LIMD1: variants seen among roughly 807,000 people sequenced by gnomAD.
LIMD1 encodes the protein LIM domain-containing protein 1.
In LIMD1, 23 loss-of-function variants were observed where a neutral mutation model predicts 58.4. That is an observed-to-expected ratio of 0.39 (90% confidence interval 0.28 to 0.56). The LOEUF is 0.56. LIMD1 is among the 20% of genes least tolerant of loss of function. LIMD1 has a pLI of 0.57. For synonymous variants in LIMD1, 334 were observed against 345.5 expected, an observed-to-expected ratio of 0.97 and a Z score of 0.37; for missense variants, 838 against 855.5, an observed-to-expected ratio of 0.98 and a Z score of 0.25.
chr3:45,609,676 C>T (rs1313031457), intron 1 of LIMD1, among the ~76,000 whole-genome samples: 1 of 152,216 alleles, frequency 6.6e-6, no homozygotes, highest in South Asian at 2.1e-4. Flanking sequence ...AAAGTAGTTC[C>T]AAGCCAGGAT....
In LIMD1 at chr3:45,679,618, C is replaced by T. The variant is rs1256783696; in HGVS notation, c.*2559C>T. 3 of 152,144 alleles carry T rather than the reference C, an allele frequency of 2.0e-5. No individual in the cohort carries two copies. Among genetic ancestry groups the T allele is most frequent in the African/African-American group, 7.2e-5 (3 of 41,426 alleles). 9.4% of individuals were successfully genotyped at this position (152,144 alleles called of 1,614,324 possible). A position where few individuals can be genotyped will look rare whatever the true frequency, so the allele number is the denominator to read the frequency against. Reference sequence around the variant, plus strand: ...GAGGTAAAACAAGGAGGATTGTGGCCGGATTTCAGATCCCAAAGCCAGCCT... The same window carrying T: ...GAGGTAAAACAAGGAGGATTGTGGCTGGATTTCAGATCCCAAAGCCAGCCT... On this transcript the variant is annotated 3_prime_UTR_variant, in exon 8 of 8. Transcript: ENST00000273317.
chr3:45,629,109 T>G (rs1701700595), intron 1 of LIMD1, among the ~76,000 whole-genome samples: 1 of 151,846 alleles, frequency 6.6e-6, no homozygotes, highest in South Asian at 2.1e-4. Context: ...ATTTCACAGG[T>G]GTATAGAAAT....
rs778258648 is a variant in LIMD1 at position 45,683,037 on chromosome 3, T to C, written c.*5978T>C. 1.3e-5 allele frequency: 2 copies of C among 152,476 alleles called. No homozygotes were observed. Among genetic ancestry groups the C allele is most frequent in the Non-Finnish European group, 2.9e-5 (2 of 68,238 alleles). The allele number at this position is 152,476 out of a possible 1,614,324, so 9.4% of individuals were successfully genotyped here. A position where few individuals can be genotyped will look rare whatever the true frequency, so the allele number is the denominator to read the frequency against. On this transcript the variant is annotated 3_prime_UTR_variant, in exon 8 of 8. Coordinates refer to ENST00000273317, the MANE Select transcript of LIMD1 (RefSeq NM_014240.3). ...GAGGCTGCCCATTTTCCTTGGCTTG[T>C]GGCTGCATCATTCTGGCTGCTTCTA...
At chr3:45,617,290 A>G (rs1021884202) in intron 1 of LIMD1, among the ~76,000 whole-genome samples, 2 of 151,164 alleles carry the variant, frequency 1.3e-5, no homozygotes, top group African/African-American at 2.4e-5. Context: ...CAGGTGATCT[A>G]CTCACCTCGG....
chr3:45,632,214 A>C (rs758597847), intron 1 of LIMD1, among the ~76,000 whole-genome samples: 3 of 152,232 alleles, frequency 2.0e-5, no homozygotes, highest in Non-Finnish European at 4.4e-5. Flanking sequence ...GTAAAGGCTT[A>C]GAGTCAGGTC....
At chr3:45,603,130 T>C (rs1229892470) in intron 1 of LIMD1, among the ~76,000 whole-genome samples, 1 of 152,238 alleles carries the variant, frequency 6.6e-6, no homozygotes, top group Non-Finnish European at 1.5e-5. Context: ...CGTGAGCCAC[T>C]GCACCTGGCC....
chr3:45,648,343 A>ATATG (rs1701928609), intron 2 of LIMD1, among the ~76,000 whole-genome samples: 1 of 152,186 alleles, frequency 6.6e-6, no homozygotes, highest in Non-Finnish European at 1.5e-5. Context: ...ATCATACAAT[A>ATATG]TATGATCTTC....
chr3:45,646,002 CCTG>C (rs561252555), intron 2 of LIMD1, among the ~76,000 whole-genome samples: 54 of 151,102 alleles, frequency 3.6e-4, no homozygotes, highest in African/African-American at 1.2e-3. Context: ...TGCACTCCAG[CCTG>C]AGTGACAGAG....
intron 2 of LIMD1, among the ~76,000 whole-genome samples, chr3:45,657,243 GTTA>G (rs1349207482): frequency 6.6e-6 from 1 of 152,094 alleles, no homozygotes; most frequent in Non-Finnish European, 1.5e-5. Flanking sequence ...CAAGTGGAAG[GTTA>G]CCTATCAAGT....
chr3:45,617,662 C>T (rs1306558841), intron 1 of LIMD1, among the ~76,000 whole-genome samples: 1 of 152,230 alleles, frequency 6.6e-6, no homozygotes, highest in Non-Finnish European at 1.5e-5. Flanking sequence ...TGGTAAGCTG[C>T]AGAACTGAAC....
intron 4 of LIMD1, among the ~76,000 whole-genome samples, chr3:45,670,330 T>C (rs1482558057): frequency 6.6e-6 from 1 of 152,234 alleles, no homozygotes; most frequent in Non-Finnish European, 1.5e-5. Flanking sequence ...CATTTATCTA[T>C]TGCTGCATGA....
At chr3:45,614,433 T>A (rs758438050) in intron 1 of LIMD1, among the ~76,000 whole-genome samples, 15 of 142,434 alleles carry the variant, frequency 1.1e-4, no homozygotes, top group Admixed American at 4.2e-4. Flanking sequence ...AAAAAGGAAA[T>A]CCTCTGCCCG....
chr3:45,639,138 G>T (rs1215728114), intron 2 of LIMD1, among the ~76,000 whole-genome samples: 1 of 152,160 alleles, frequency 6.6e-6, no homozygotes, highest in East Asian at 1.9e-4. Flanking sequence ...CCACAGGGCT[G>T]GGATTACTGG....
At chr3:45,636,517 AG>A (rs1274759726) in intron 2 of LIMD1, among the ~76,000 whole-genome samples, 22 of 152,186 alleles carry the variant, frequency 1.4e-4, no homozygotes, top group African/African-American at 5.3e-4. Flanking sequence ...TAATCACATC[AG>A]GTTTGAAATA....
At chr3:45,666,629 C>G (rs1203361294) in intron 3 of LIMD1, among the ~76,000 whole-genome samples, 1 of 152,148 alleles carries the variant, frequency 6.6e-6, no homozygotes, top group East Asian at 1.9e-4. Flanking sequence ...TGGAGGAGCT[C>G]TTCTGTGCTG....
intron 2 of LIMD1, among the ~76,000 whole-genome samples, chr3:45,648,635 TA>T (rs1701930910): frequency 6.6e-6 from 1 of 152,236 alleles, no homozygotes; most frequent in Non-Finnish European, 1.5e-5. Context: ...TAACTGTGTT[TA>T]ACCTTTTGAG....
chr3:45,605,547 C>T (rs1701460398), intron 1 of LIMD1, among the ~76,000 whole-genome samples: 1 of 144,674 alleles, frequency 6.9e-6, no homozygotes, highest in Non-Finnish European at 1.6e-5. Context: ...ATGTATCAGG[C>T]ACTGTGATTC....
intron 4 of LIMD1, among the ~76,000 whole-genome samples, chr3:45,669,353 C>G (rs1291717173): frequency 1.3e-5 from 2 of 152,174 alleles, no homozygotes; most frequent in African/African-American, 4.8e-5. Context: ...AGTTAAGTCC[C>G]TCTCTAAGCT....
chr3:45,611,799 G>T (rs1311674274), intron 1 of LIMD1, among the ~76,000 whole-genome samples: 1 of 152,206 alleles, frequency 6.6e-6, no homozygotes, highest in Non-Finnish European at 1.5e-5. Context: ...TTGTTGGCCA[G>T]CCACAGAGGT....
Sources: gnomAD v4.1 joint callset for allele counts (sites outside exome capture counted in the v4.1 genomes callset) on GRCh38, gnomAD v4.1.1 for gene constraint, MANE v1.5 for transcripts, NCBI Gene and HGNC (gene_info 2026-07-23, HGNC 2026-07-21) for gene names.